Variants in FAF1 observed in about 807,000 individuals in gnomAD.
The protein encoded by FAF1 is FAS-associated factor 1.
Under a neutral mutation model 92.5 loss-of-function variants are expected in FAF1, and 25 were observed. The ratio of observed to expected loss-of-function variants is 0.27; its 90% CI spans 0.20 to 0.38. FAF1 has a LOEUF of 0.38. Ranked by LOEUF, FAF1 falls within the 10% of genes least tolerant of loss-of-function variation. The pLI, the probability that FAF1 is intolerant of heterozygous loss-of-function variation, is 1.00. For synonymous variants in FAF1, 234 were observed against 273.2 expected, an observed-to-expected ratio of 0.86 and a Z score of 1.42; for missense variants, 636 against 793.3, an observed-to-expected ratio of 0.80 and a Z score of 2.38.
chr1:50,607,927 G>A (rs964455730), intron 8 of FAF1, among the ~76,000 whole-genome samples: 2 of 152,192 alleles, frequency 1.3e-5, no homozygotes, highest in Admixed American at 1.3e-4. Context: ...AGCACAGAAG[G>A]GTTCTTGGCT....
At position 50,738,951 on chromosome 1, in the gene FAF1, C is replaced by T; in HGVS notation, c.463G>A (p.Val155Ile). The change falls in exon 6 of 19, where the codon GTC becomes ATC. Residue 155 changes from valine (V) to isoleucine (I), a missense_variant. Val to Ile is a conservative substitution (Grantham distance 29). Transcript: ENST00000396153. Reference sequence around the variant, plus strand: ...TTTGGCAAGTGTAGAGATTTTAGGACCGTCTGAAAAAGAAAAAACACAGCA... The same window carrying T: ...TTTGGCAAGTGTAGAGATTTTAGGATCGTCTGAAAAAGAAAAAACACAGCA... ...WKTGDVEDSTVLKSLHLPKNN... is the reference protein window; with the variant it reads ...WKTGDVEDSTILKSLHLPKNN... 1 of 1,583,936 alleles carries T rather than the reference C, an allele frequency of 6.3e-7. No individual in the cohort carries two copies. The highest frequency in any genetic ancestry group is 8.6e-7 in the Non-Finnish European group (1 of 1,162,872).
In FAF1 at chr1:50,736,489, C is replaced by T. The variant is rs113026235; in HGVS notation, c.551+2374G>A. ...AAGTGGCTGGGCACAGTGGCTCACG[C>T]CTGTAATCCCAGCACTTTGGGAGGC... On this transcript the variant is annotated intron_variant, in intron 6 of 18. Coordinates refer to ENST00000396153, the MANE Select transcript of FAF1 (RefSeq NM_007051.3). Among the ~76,000 whole-genome samples the T allele has an allele frequency of 6.4e-3, 982 of 152,290 alleles. 19 individuals carry two copies. Among genetic ancestry groups the T allele is most frequent in the African/African-American group, 0.023 (937 of 41,564 alleles).
chr1:50,955,699 C>CT (rs1287175450), intron 1 of FAF1, among the ~76,000 whole-genome samples: 1 of 152,166 alleles, frequency 6.6e-6, no homozygotes, highest in African/African-American at 2.4e-5. Context: ...ATGTTTATGG[C>CT]TGCATGATTC....
chr1:50,727,328 T>C (rs1248826225), intron 6 of FAF1, among the ~76,000 whole-genome samples: 1 of 152,242 alleles, frequency 6.6e-6, no homozygotes, highest in Non-Finnish European at 1.5e-5. Context: ...GGACCTTATC[T>C]GTCTTGCTCA....
At chr1:50,874,115 G>A (rs533456230) in intron 1 of FAF1, among the ~76,000 whole-genome samples, 1 of 152,092 alleles carries the variant, frequency 6.6e-6, no homozygotes, top group African/African-American at 2.4e-5. Context: ...TCTAGTACCT[G>A]ACAATTGTCT....
intron 9 of FAF1, among the ~76,000 whole-genome samples, chr1:50,595,362 T>G (rs1651748049): frequency 6.6e-6 from 1 of 151,866 alleles, no homozygotes; most frequent in African/African-American, 2.4e-5. Context: ...CCACTGTTAT[T>G]TTATCTATCA....
At chr1:50,728,066 T>A (rs748625758) in intron 6 of FAF1, among the ~76,000 whole-genome samples, 126 of 152,178 alleles carry the variant, frequency 8.3e-4, no homozygotes, top group Non-Finnish European at 1.5e-3. Flanking sequence ...CTTGCGTATA[T>A]ACATATATCC....
chr1:50,914,299 A>T (rs1021191741), intron 1 of FAF1, among the ~76,000 whole-genome samples: 2 of 152,228 alleles, frequency 1.3e-5, no homozygotes, highest in Non-Finnish European at 2.9e-5. Flanking sequence ...TTATGATACC[A>T]AAGGCATGTA....
intron 8 of FAF1, among the ~76,000 whole-genome samples, chr1:50,602,784 G>A (rs1652206279): frequency 6.6e-6 from 1 of 151,962 alleles, no homozygotes; most frequent in Non-Finnish European, 1.5e-5. Context: ...TTACAGATAG[G>A]AGCCACCTCA....
intron 1 of FAF1, among the ~76,000 whole-genome samples, chr1:50,921,292 CA>C (rs1259095176): frequency 6.6e-6 from 1 of 152,190 alleles, no homozygotes; most frequent in Non-Finnish European, 1.5e-5. Flanking sequence ...CTGGCCTGCC[CA>C]ACTCTGCAAC....
intron 15 of FAF1, among the ~76,000 whole-genome samples, chr1:50,517,475 TTATTACATAC>T (rs1468469925): frequency 6.6e-6 from 1 of 152,152 alleles, no homozygotes; most frequent in Admixed American, 6.5e-5. Context: ...TACATAGTGC[TTATTACATAC>T]TAGGTACCAG....
At chr1:50,633,566 A>T (rs1039463470) in intron 8 of FAF1, among the ~76,000 whole-genome samples, 1 of 152,198 alleles carries the variant, frequency 6.6e-6, no homozygotes, top group Non-Finnish European at 1.5e-5. Flanking sequence ...CCTGAAAAGC[A>T]ATCACAAAAG....
intron 4 of FAF1, among the ~76,000 whole-genome samples, chr1:50,777,311 G>A (rs560314119): frequency 6.6e-6 from 1 of 151,700 alleles, no homozygotes; most frequent in African/African-American, 2.4e-5. Flanking sequence ...CCCAGCACTC[G>A]GGAAGCTGAG....
At chr1:50,707,213 A>AAG (rs1657710991) in intron 6 of FAF1, among the ~76,000 whole-genome samples, 1 of 151,742 alleles carries the variant, frequency 6.6e-6, no homozygotes, top group Non-Finnish European at 1.5e-5. Flanking sequence ...AAAAAAAAAA[A>AAG]AAAAAAAGAA....
At chr1:50,829,985 C>T (rs967223645) in intron 2 of FAF1, among the ~76,000 whole-genome samples, 10 of 152,162 alleles carry the variant, frequency 6.6e-5, no homozygotes, top group African/African-American at 2.4e-4. Context: ...TGCTATGTCC[C>T]TTTTAGGTTC....
chr1:50,640,916 C>A (rs1008426525), intron 8 of FAF1, among the ~76,000 whole-genome samples: 1 of 144,968 alleles, frequency 6.9e-6, no homozygotes, highest in Non-Finnish European at 1.5e-5. Flanking sequence ...TCACTGCAAC[C>A]TCTGCCTCTG....
intron 7 of FAF1, among the ~76,000 whole-genome samples, chr1:50,689,708 T>C (rs1247818814): frequency 1.3e-5 from 2 of 152,264 alleles, no homozygotes; most frequent in Non-Finnish European, 2.9e-5. Context: ...CATTAATGAA[T>C]GAACAAAAAT....
chr1:50,960,095 C>A lies in FAF1; in HGVS notation c.-284G>T. 2.6e-6 allele frequency: 1 copy of A among 390,992 alleles called. No homozygotes were observed. The highest frequency in any genetic ancestry group is 4.5e-6 in the Non-Finnish European group (1 of 221,006). The allele number at this position is 390,992 out of a possible 1,614,324, so 24.2% of individuals were successfully genotyped here. ...AGATTGGTCTGGATGTGGGTCCGGTCTTACAGTCGCGGGCCAGGATGAGGG... is the reference window on the plus strand; with the variant it reads ...AGATTGGTCTGGATGTGGGTCCGGTATTACAGTCGCGGGCCAGGATGAGGG... On this transcript the variant is annotated 5_prime_UTR_variant, in exon 1 of 19. Coordinates refer to ENST00000396153, the MANE Select transcript of FAF1 (RefSeq NM_007051.3).
intron 2 of FAF1, among the ~76,000 whole-genome samples, chr1:50,819,692 CATATATATATACATATATATATACGT>C (rs1644016249): frequency 2.2e-5 from 1 of 45,614 alleles, no homozygotes; most frequent in Non-Finnish European, 4.6e-5. Context: ...TATATATATA[CATATATATATACATATATATATACGT>C]ATATATATAT....
Sources: allele counts gnomAD v4.1 joint callset (sites outside exome capture counted in the v4.1 genomes callset), GRCh38; gene constraint gnomAD v4.1.1; transcripts MANE v1.5; gene names NCBI Gene and HGNC (gene_info 2026-07-23, HGNC 2026-07-21).